CACNA1D: variants seen among roughly 807,000 people sequenced by gnomAD.
The protein encoded by CACNA1D is voltage-dependent L-type calcium channel subunit alpha-1D.
Under a neutral mutation model 257.1 loss-of-function variants are expected in CACNA1D, and 55 were observed. The observed-to-expected ratio is 0.21, with a 90% CI of 0.17 to 0.27. CACNA1D has a LOEUF of 0.27. Among genes scored for constraint, CACNA1D ranks in the 10% least tolerant of loss-of-function variants. The pLI is 1.00. For synonymous variants in CACNA1D, 980 were observed against 1,014.9 expected, an observed-to-expected ratio of 0.97 and a Z score of 0.65; for missense variants, 1,876 against 2,784.0, an observed-to-expected ratio of 0.67 and a Z score of 7.34.
At chr3:53,651,164 G>C (rs1358298678) in intron 4 of CACNA1D, among the ~76,000 whole-genome samples, 1 of 152,032 alleles carries the variant, frequency 6.6e-6, no homozygotes, top group Non-Finnish European at 1.5e-5. Flanking sequence ...AAGGGAGTCT[G>C]AACTCCTAAT....
chr3:53,772,882 C>T lies in CACNA1D; in HGVS notation c.4094C>T (p.Ala1365Val), dbSNP rs766073405. 4 of 1,613,678 alleles carry T rather than the reference C, an allele frequency of 2.5e-6. No homozygotes were observed. The highest frequency in any genetic ancestry group is 3.4e-6 in the Non-Finnish European group (4 of 1,179,822). ...ATAGCCATGCTGTTCTTCATCTATGCGGTCATTGGCATGCAGGTAAGCTCC... is the reference window on the plus strand; with the variant it reads ...ATAGCCATGCTGTTCTTCATCTATGTGGTCATTGGCATGCAGGTAAGCTCC... The part of the protein sequence containing the change: ...LLIAMLFFIY[A>V]VIGMQMFGKV... The change falls in exon 33 of 48, where the codon GCG becomes GTG. Residue 1365 changes from alanine to valine, a missense_variant. Ala to Val is a moderately conservative substitution (Grantham distance 64). Transcript: ENST00000350061.
chr3:53,657,987 A>C (rs1457256824), intron 4 of CACNA1D, among the ~76,000 whole-genome samples: 1 of 152,258 alleles, frequency 6.6e-6, no homozygotes, highest in South Asian at 2.1e-4. Flanking sequence ...ATAAAGATAT[A>C]TTTCAAGCAT....
Position 53,761,745 on chromosome 3 carries a change from AGT to A in CACNA1D, c.3787-234_3787-233del, listed in dbSNP as rs111473773. On this transcript the variant is annotated intron_variant, in intron 29 of 47. Transcript: ENST00000350061. Reference sequence around the variant, plus strand: ...TGGTTTGGTGCCACTCAGGACCGTGAGTGTGTGTGTGTGTGTGTGTATGCACA... The same window carrying A: ...TGGTTTGGTGCCACTCAGGACCGTGAGTGTGTGTGTGTGTGTGTATGCACA... 0.054 allele frequency among the ~76,000 whole-genome samples: 8,076 copies of A among 149,884 alleles called. 244 individuals are homozygous for A. The highest frequency in any genetic ancestry group is 0.11 in the Middle Eastern group (33 of 290).
chr3:53,583,439 G>T (rs2093164522), intron 3 of CACNA1D, among the ~76,000 whole-genome samples: 1 of 152,130 alleles, frequency 6.6e-6, no homozygotes, highest in South Asian at 2.1e-4. Context: ...CTCTCTAAAG[G>T]ACTCTTCAGC....
In CACNA1D at chr3:53,770,507, G is replaced by C. The variant is rs541385062; in HGVS notation, c.3999G>C (p.Gly1333=). ...GATTGGTGAAGCTTCTCAGCAGGGG[G>C]GAAGGCATCCGGACATTGCTGTGGA... The part of the protein sequence containing the change: ...VMRLVKLLSR[G]EGIRTLLWTF... Residue 1333 remains glycine (G), a synonymous_variant, in exon 32 of 48, where the codon GGG becomes GGC. Transcript: ENST00000350061. The C allele has an allele frequency of 3.1e-6, 5 of 1,613,744 alleles. No individual in the cohort carries two copies. The highest frequency in any genetic ancestry group is 1.3e-5 in the African/African-American group (1 of 75,028).
At position 53,811,074 on chromosome 3, in the gene CACNA1D, A is replaced by G. The variant is rs759433290; in HGVS notation, c.6193-39A>G. 8.9e-6 allele frequency: 14 copies of G among 1,572,008 alleles called. No homozygotes were observed. The highest frequency in any genetic ancestry group is 1.4e-5 in the African/African-American group (1 of 74,020). On this transcript the variant is annotated intron_variant, in intron 47 of 47. Transcript: ENST00000350061. The surrounding 1 kb of genome is among the most constrained non-coding windows in gnomAD (Gnocchi z 4.2). ...TCGTCCCCCTGCCCTGCAAAGCCTT[A>G]TAACACCCCCATGCCATCCATCCCT...
At chr3:53,630,706 A>T (rs2093812821) in intron 3 of CACNA1D, among the ~76,000 whole-genome samples, 1 of 152,246 alleles carries the variant, frequency 6.6e-6, no homozygotes, top group Admixed American at 6.5e-5. Flanking sequence ...TTAAAAGGAA[A>T]TCTGACAGCT....
At chr3:53,734,019 TATATATA>T (rs2095031508) in intron 19 of CACNA1D, among the ~76,000 whole-genome samples, 1 of 1,558 alleles carries the variant, frequency 6.4e-4, no homozygotes, top group Non-Finnish European at 1.1e-3. Context: ...TGTGTGTGTA[TATATATA>T]TATATATATA....
At chr3:53,760,542 G>A (rs1221364735) in intron 29 of CACNA1D, among the ~76,000 whole-genome samples, 1 of 152,148 alleles carries the variant, frequency 6.6e-6, no homozygotes, top group East Asian at 1.9e-4. Context: ...CAGAGCTGTT[G>A]ATCTTGACAG....
At chr3:53,538,472 GACTTA>G (rs1475103432) in intron 3 of CACNA1D, among the ~76,000 whole-genome samples, 2 of 151,998 alleles carry the variant, frequency 1.3e-5, no homozygotes, top group African/African-American at 4.8e-5. Flanking sequence ...TTGAAGTTTT[GACTTA>G]ACTTATTAGT....
intron 3 of CACNA1D, among the ~76,000 whole-genome samples, chr3:53,587,610 A>G (rs887786682): frequency 6.6e-6 from 1 of 152,220 alleles, no homozygotes; most frequent in Non-Finnish European, 1.5e-5. Context: ...TTCCAGATTC[A>G]TTGCCACAAA....
intron 11 of CACNA1D, 75 bp from the exon 12 acceptor site, chr3:53,722,239 A>G: frequency 6.5e-7 from 1 of 1,542,536 alleles, no homozygotes; most frequent in Non-Finnish European, 8.9e-7. Context: ...AAGCCAAATT[A>G]TCTCTCAATC....
chr3:53,718,533 G>A (rs988329319), intron 10 of CACNA1D, 145 bp downstream of exon 10: 15 of 1,023,644 alleles, frequency 1.5e-5, no homozygotes, highest in Non-Finnish European at 1.9e-5. Flanking sequence ...CCCACGCCAC[G>A]CTTCCTCCTG....
intron 40 of CACNA1D, chr3:53,796,148 TAG>T: frequency 3.4e-6 from 1 of 290,334 alleles, no homozygotes; most frequent in Non-Finnish European, 7.1e-6. Context: ...CTAATGGAAC[TAG>T]TCTAAAAAGG....
chr3:53,580,939 A>AT (rs2093122340), intron 3 of CACNA1D, among the ~76,000 whole-genome samples: 1 of 152,230 alleles, frequency 6.6e-6, no homozygotes, highest in Non-Finnish European at 1.5e-5. Flanking sequence ...AGTAAGTGGC[A>AT]GTAGGTAAAG....
chr3:53,635,806 T>G (rs1270128022), intron 3 of CACNA1D, among the ~76,000 whole-genome samples: 1 of 152,210 alleles, frequency 6.6e-6, no homozygotes, highest in Non-Finnish European at 1.5e-5. Context: ...CCACCCATTC[T>G]CCTCTCTTCT....
At chr3:53,753,509 A>C in intron 28 of CACNA1D, 63 bp from the exon 29 acceptor site, 1 of 1,086,130 alleles carries the variant, frequency 9.2e-7, no homozygotes, top group Non-Finnish European at 1.4e-6. Context: ...GGGAGCCTCC[A>C]TGTGCAAGCA....
At chr3:53,527,985 A>G (rs532475772) in intron 3 of CACNA1D, among the ~76,000 whole-genome samples, 1 of 152,350 alleles carries the variant, frequency 6.6e-6, no homozygotes, top group African/African-American at 2.4e-5. Context: ...ATTAAAAGGA[A>G]AGACTTGAGT....
chr3:53,794,687 G>C (rs1039849855), intron 40 of CACNA1D, among the ~76,000 whole-genome samples: 3 of 152,202 alleles, frequency 2.0e-5, no homozygotes, highest in African/African-American at 4.8e-5. Flanking sequence ...TTAAAACGGA[G>C]CAGTTTTTAA....
Sources: gnomAD v4.1 joint callset for allele counts (sites outside exome capture counted in the v4.1 genomes callset) on GRCh38, gnomAD v4.1.1 for gene constraint, Gnocchi (gnomAD v3.1) non-coding constraint, MANE v1.5 for transcripts, NCBI Gene and HGNC (gene_info 2026-07-23, HGNC 2026-07-21) for gene names.